Variants in EPHA6 observed in about 807,000 individuals in gnomAD.
EPHA6 encodes the protein ephrin type-A receptor 6.
A neutral mutation model predicts 112.0 loss-of-function variants in EPHA6; 50 were observed. The observed-to-expected ratio is 0.45, with a 90% confidence interval of 0.36 to 0.56. The LOEUF (loss-of-function observed/expected upper bound fraction) is 0.56, where lower values mean the gene tolerates loss of function less well. Ranked by LOEUF, EPHA6 falls within the 20% of genes least tolerant of loss-of-function variation. The pLI, the probability that EPHA6 is intolerant of heterozygous loss-of-function variation, is 0.00. For missense variants in EPHA6, 1,280 were observed against 1,417.4 expected (o/e 0.90, Z 1.56); for synonymous variants, 529 against 490.7 (o/e 1.08, Z -1.03).
At chr3:97,030,531 GC>G (rs899730216) in intron 3 of EPHA6, among the ~76,000 whole-genome samples, 2 of 151,908 alleles carry the variant, frequency 1.3e-5, no homozygotes, top group African/African-American at 4.8e-5. Flanking sequence ...CTTTTCCTTA[GC>G]CACTAAAGTT....
intron 2 of EPHA6, among the ~76,000 whole-genome samples, chr3:96,883,986 C>T (rs1190780992): frequency 1.3e-5 from 2 of 152,072 alleles, no homozygotes; most frequent in Admixed American, 6.6e-5. Context: ...GTCCTTTCCC[C>T]ATTTTATGTT....
intron 10 of EPHA6, among the ~76,000 whole-genome samples, chr3:97,493,895 GC>G (rs2091913055): frequency 6.6e-6 from 1 of 152,108 alleles, no homozygotes; most frequent in South Asian, 2.1e-4. Context: ...AGAGAGAGGA[GC>G]AATAGGTCTC....
intron 3 of EPHA6, among the ~76,000 whole-genome samples, chr3:97,133,407 G>A (rs1256073173): frequency 6.6e-6 from 1 of 151,874 alleles, no homozygotes; most frequent in African/African-American, 2.4e-5. Context: ...AATGTATTTT[G>A]TTCACATATG....
At chr3:96,815,173 A>ACCGCC (rs1449432091) in intron 1 of EPHA6, among the ~76,000 whole-genome samples, 165 bp downstream of exon 1, 1 of 151,936 alleles carries the variant, frequency 6.6e-6, no homozygotes, top group East Asian at 1.9e-4. Flanking sequence ...CCCTGTTTAC[A>ACCGCC]CCGCCCGGGA....
At chr3:97,575,029 A>T (rs1429269519) in intron 11 of EPHA6, among the ~76,000 whole-genome samples, 6 of 152,140 alleles carry the variant, frequency 3.9e-5, no homozygotes, top group African/African-American at 1.4e-4. Flanking sequence ...AATTTAATGA[A>T]TAAATAAAAC....
At chr3:97,003,786 TCACCCCCC>T (rs2043767119) in intron 3 of EPHA6, among the ~76,000 whole-genome samples, 2 of 107,612 alleles carry the variant, frequency 1.9e-5, no homozygotes, top group South Asian at 3.6e-4. Context: ...TTCCTTCCCC[TCACCCCCC>T]CACCCCACAA....
intron 11 of EPHA6, among the ~76,000 whole-genome samples, chr3:97,548,112 C>T (rs368714128): frequency 2.0e-4 from 31 of 152,164 alleles, no homozygotes; most frequent in African/African-American, 4.8e-4. Context: ...GAGATGAACC[C>T]GGTTCCTCAG....
intron 14 of EPHA6, among the ~76,000 whole-genome samples, chr3:97,701,164 T>A (rs1445842890): frequency 6.6e-6 from 1 of 152,150 alleles, no homozygotes; most frequent in African/African-American, 2.4e-5. Context: ...TAATGGAACC[T>A]ATAAACCAAA....
chr3:96,896,880 A>AT (rs919382949), intron 2 of EPHA6, among the ~76,000 whole-genome samples: 3 of 152,148 alleles, frequency 2.0e-5, no homozygotes, highest in African/African-American at 7.2e-5. Flanking sequence ...ATCTGTTTAA[A>AT]TTTTTAGAAA....
chr3:97,655,361 A>C (rs935314996), intron 14 of EPHA6, among the ~76,000 whole-genome samples: 2 of 151,728 alleles, frequency 1.3e-5, no homozygotes, highest in African/African-American at 4.8e-5. Context: ...GTCATATGCA[A>C]ACTCCCTTCA....
At chr3:97,596,777 C>CATATATATATATATATATAT (rs57541953) in intron 12 of EPHA6, among the ~76,000 whole-genome samples, 2 of 106,210 alleles carry the variant, frequency 1.9e-5, no homozygotes, top group Non-Finnish European at 1.9e-5. Context: ...AACTCATATA[C>CATATATATATATATATATAT]ATATATATAT....
intron 3 of EPHA6, among the ~76,000 whole-genome samples, chr3:97,158,468 A>G (rs2076338838): frequency 6.6e-6 from 1 of 152,174 alleles, no homozygotes; most frequent in Admixed American, 6.5e-5. Context: ...GTCGAGAAAA[A>G]TGATGAGACA....
rs758971561 is a variant in EPHA6, at chr3:96,987,732, A to G, written c.853A>G (p.Ile285Val). ...AGGATTTTATCTGGCTTTTCAAGAC[A>G]TTGGGGCGTGCATTGCCCTGGTTTC... Reference protein sequence around the residue: ...RKGFYLAFQDIGACIALVSVR... With the variant: ...RKGFYLAFQDVGACIALVSVR... Residue 285 changes from isoleucine to valine, a missense_variant, in exon 3 of 18, where the codon ATT (isoleucine) becomes GTT (valine). This residue lies in a region of EPHA6 where 878 missense variants were observed against 999.7 expected (regional missense o/e 0.88). Transcript: ENST00000389672. The G allele has an allele frequency of 3.7e-6, 6 of 1,612,294 alleles. No individual in the cohort carries two copies. In the East Asian group the frequency reaches 1.3e-4, roughly 36 times the overall value.
At chr3:96,882,896 C>T (rs553940354) in intron 2 of EPHA6, among the ~76,000 whole-genome samples, 14 of 152,100 alleles carry the variant, frequency 9.2e-5, no homozygotes, top group East Asian at 7.7e-4. Flanking sequence ...CATGCGTGTG[C>T]GAGTATGTTT....
At chr3:97,654,290 G>A (rs138967476) in intron 14 of EPHA6, among the ~76,000 whole-genome samples, 130 of 151,832 alleles carry the variant, frequency 8.6e-4, no homozygotes, top group African/African-American at 2.9e-3. Flanking sequence ...CTGAAAAAGC[G>A]CTGGGGAGAA....
intron 14 of EPHA6, among the ~76,000 whole-genome samples, chr3:97,699,846 T>G (rs2033269687): frequency 6.6e-6 from 1 of 152,230 alleles, no homozygotes; most frequent in African/African-American, 2.4e-5. Flanking sequence ...AAAATGTACT[T>G]TGTCTGAACT....
intron 14 of EPHA6, among the ~76,000 whole-genome samples, chr3:97,690,638 T>C (rs1204407981): frequency 6.6e-6 from 1 of 152,094 alleles, no homozygotes; most frequent in Non-Finnish European, 1.5e-5. Context: ...TGGCTAATTT[T>C]TGTATTTTTA....
In EPHA6 at chr3:97,747,807, C is replaced by T. The variant is rs76527128; in HGVS notation, c.3278+235C>T. Among the ~76,000 whole-genome samples the T allele has an allele frequency of 0.066, 10,086 of 151,990 alleles. 1,061 individuals carry two copies. Among genetic ancestry groups the T allele is most frequent in the African/African-American group, 0.23 (9,500 of 41,436 alleles). On this transcript the variant is annotated intron_variant, in intron 17 of 17. Transcript: ENST00000389672. ...AATATTTTAAATGTTTTCTAAAATG[C>T]ATGTTACTCTCATCCAAATCATAGA...
At chr3:97,246,299 C>T (rs2078985294) in intron 5 of EPHA6, among the ~76,000 whole-genome samples, 1 of 151,846 alleles carries the variant, frequency 6.6e-6, no homozygotes, top group African/African-American at 2.4e-5. Flanking sequence ...CAGTATGTCA[C>T]TTTAAATAAA....
Sources: gnomAD v4.1 joint callset for allele counts (sites outside exome capture counted in the v4.1 genomes callset) on GRCh38, gnomAD v4.1.1 for gene constraint, gnomAD v4.1.1 regional missense constraint, MANE v1.5 for transcripts, NCBI Gene and HGNC (gene_info 2026-07-23, HGNC 2026-07-21) for gene names.